The following LRRTM4 variants were observed in gnomAD, a reference collection of about 807,000 sequenced individuals.
LRRTM4 encodes leucine rich repeat transmembrane neuronal 4.
In LRRTM4, 25 loss-of-function variants were observed where a neutral mutation model predicts 47.6. The ratio of observed to expected loss-of-function variants is 0.53; its 90% CI spans 0.38 to 0.73. The LOEUF (loss-of-function observed/expected upper bound fraction) is 0.73, where lower values mean the gene tolerates loss of function less well. LRRTM4 is among the 30% of genes least tolerant of loss of function. LRRTM4 has a pLI of 0.00. For synonymous variants in LRRTM4, 311 were observed against 269.5 expected (o/e 1.15, Z -1.51); for missense variants, 638 against 713.4 (o/e 0.89, Z 1.20).
intron 3 of LRRTM4, among the ~76,000 whole-genome samples, chr2:76,905,535 G>A (rs1289527759): frequency 6.6e-6 from 1 of 152,116 alleles, no homozygotes; most frequent in Non-Finnish European, 1.5e-5. Flanking sequence ...GAAGGCTTCA[G>A]ACGATCAAAC....
At position 77,519,686 on chromosome 2, in the gene LRRTM4, T is replaced by C; in HGVS notation, c.183A>G (p.Gly61=). Residue 61 remains glycine (G), a synonymous_variant, in exon 3 of 4, where the codon GGA becomes GGG. Coordinates refer to ENST00000409884, the MANE Select transcript of LRRTM4 (RefSeq NM_001134745.3). This position sits in a 1 kb window ranked among gnomAD's most constrained non-coding sequence, Gnocchi z 4.6. The stretch of plus-strand genomic sequence containing the variant: ...ACCTTAATGATAAGCCTTGTGACCC[T>C]CCAGAAATGTTCTCAGGGATATCTG... The part of the protein sequence containing the change: ...AFADIPENIS[G]GSQGLSLRFN... 6.2e-7 allele frequency: 1 copy of C among 1,613,370 alleles called. No individual in the cohort carries two copies. Among genetic ancestry groups the C allele is most frequent in the Non-Finnish European group, 8.5e-7 (1 of 1,179,568 alleles).
intron 3 of LRRTM4, among the ~76,000 whole-genome samples, chr2:77,090,085 C>T (rs1253895334): frequency 6.6e-6 from 1 of 152,094 alleles, no homozygotes; most frequent in African/African-American, 2.4e-5. Context: ...AGCTAGGTCC[C>T]AATTCTTCCT....
intron 3 of LRRTM4, among the ~76,000 whole-genome samples, chr2:76,763,647 TCCAAG>T (rs1673345018): frequency 6.6e-6 from 1 of 152,162 alleles, no homozygotes. Flanking sequence ...GGAGTGCTGC[TCCAAG>T]AAATAGCTAA....
At chr2:77,253,538 TA>T (rs1274587608) in intron 3 of LRRTM4, among the ~76,000 whole-genome samples, 1 of 152,084 alleles carries the variant, frequency 6.6e-6, no homozygotes, top group African/African-American at 2.4e-5. Flanking sequence ...ATTTAATTTT[TA>T]AAAAATACCT....
At position 76,771,615 on chromosome 2, in the gene LRRTM4, T is replaced by C. The variant is rs144912903; in HGVS notation, c.1552-22699A>G. Among the ~76,000 whole-genome samples the C allele has an allele frequency of 8.7e-3, 1,283 of 147,900 alleles. 7 individuals are homozygous for C. The highest frequency in any genetic ancestry group is 0.021 in the Middle Eastern group (6 of 288). ...GAAGCAGCAAGAAGACTGCGTGCTG[T>C]ACCTCAAATTCTTGCCAGGTGAACA... On this transcript the variant is annotated intron_variant, in intron 3 of 3. Transcript: ENST00000409884.
At chr2:77,351,088 TA>T (rs1287360101) in intron 3 of LRRTM4, among the ~76,000 whole-genome samples, 1 of 152,150 alleles carries the variant, frequency 6.6e-6, no homozygotes, top group Non-Finnish European at 1.5e-5. Context: ...TATGCTCATG[TA>T]GGCTCCAGTG....
At chr2:77,343,838 C>T (rs1459953928) in intron 3 of LRRTM4, among the ~76,000 whole-genome samples, 1 of 151,744 alleles carries the variant, frequency 6.6e-6, no homozygotes, top group Non-Finnish European at 1.5e-5. Context: ...TCAGGGACAG[C>T]TTCTCTGAAG....
At chr2:77,081,402 CATT>C (rs1338869156) in intron 3 of LRRTM4, among the ~76,000 whole-genome samples, 1 of 151,718 alleles carries the variant, frequency 6.6e-6, no homozygotes, top group Non-Finnish European at 1.5e-5. Context: ...AAGGTGTTCA[CATT>C]ATACAAATCA....
At chr2:77,488,462 C>A (rs1008942625) in intron 3 of LRRTM4, among the ~76,000 whole-genome samples, 1 of 152,132 alleles carries the variant, frequency 6.6e-6, no homozygotes, top group East Asian at 1.9e-4. Flanking sequence ...CTGTGGCCTG[C>A]CAGGACGAAT....
At chr2:77,181,060 T>C (rs927516433) in intron 3 of LRRTM4, among the ~76,000 whole-genome samples, 11 of 152,162 alleles carry the variant, frequency 7.2e-5, no homozygotes, top group Non-Finnish European at 1.0e-4. Context: ...TACTTACAAA[T>C]GACTTTACCA....
chr2:76,762,684 G>T (rs909984879), intron 3 of LRRTM4, among the ~76,000 whole-genome samples: 7 of 152,164 alleles, frequency 4.6e-5, no homozygotes, highest in African/African-American at 1.7e-4. Context: ...AGTAGGACAG[G>T]TGTGGTGACT....
chr2:76,826,353 ATATCAGCTGTGTAATCTTAAATAG>A (rs1558679033), intron 3 of LRRTM4, among the ~76,000 whole-genome samples: 3 of 151,600 alleles, frequency 2.0e-5, no homozygotes, highest in Non-Finnish European at 4.4e-5. Flanking sequence ...GCATCATGGC[ATATCAGCTGTGTAATCTTAAATAG>A]GTTATATAAA....
chr2:77,408,788 C>T (rs963945867), intron 3 of LRRTM4, among the ~76,000 whole-genome samples: 1 of 152,150 alleles, frequency 6.6e-6, no homozygotes, highest in Admixed American at 6.5e-5. Context: ...AGAAATTATG[C>T]CTGTATTCAA....
chr2:77,010,727 T>TA (rs374350369), intron 3 of LRRTM4, among the ~76,000 whole-genome samples: 2 of 152,042 alleles, frequency 1.3e-5, no homozygotes, highest in East Asian at 1.9e-4. Flanking sequence ...GCCCAGGATG[T>TA]AAAAAAAGTG....
At chr2:76,819,658 T>C (rs1235347800) in intron 3 of LRRTM4, among the ~76,000 whole-genome samples, 1 of 151,904 alleles carries the variant, frequency 6.6e-6, no homozygotes, top group Non-Finnish European at 1.5e-5. Context: ...GCTTACTTTC[T>C]CCACTCTTCT....
At chr2:77,319,319 G>C (rs775911372) in intron 3 of LRRTM4, among the ~76,000 whole-genome samples, 1 of 151,968 alleles carries the variant, frequency 6.6e-6, no homozygotes, top group African/African-American at 2.4e-5. Context: ...CCCTGGAGGC[G>C]GAGGTTGCAG....
chr2:77,429,560 T>C (rs1675274014), intron 3 of LRRTM4, among the ~76,000 whole-genome samples: 1 of 152,036 alleles, frequency 6.6e-6, no homozygotes, highest in South Asian at 2.1e-4. Context: ...ACGACATAGA[T>C]CAAACTGGAG....
intron 3 of LRRTM4, among the ~76,000 whole-genome samples, chr2:76,861,321 T>A (rs1470973111): frequency 6.6e-6 from 1 of 152,196 alleles, no homozygotes; most frequent in East Asian, 1.9e-4. Flanking sequence ...TGCATTATTT[T>A]TAGTTTTTTT....
Position 76,853,804 on chromosome 2 carries a change from G to T in LRRTM4, c.1552-104888C>A, listed in dbSNP as rs935419405. On this transcript the variant is annotated intron_variant, in intron 3 of 3. Transcript: ENST00000409884. ...AACACATACAGAATTGTGTTTTTCT[G>T]TAAGAACAAATGCATTTCTCATACT... 1.3e-5 allele frequency among the ~76,000 whole-genome samples: 2 copies of T among 152,120 alleles called. 1 individual carries two copies. Among genetic ancestry groups the T allele is most frequent in the East Asian group, 3.8e-4 (2 of 5,200 alleles).
Sources: gnomAD v4.1 joint callset for allele counts (sites outside exome capture counted in the v4.1 genomes callset) on GRCh38, gnomAD v4.1.1 for gene constraint, Gnocchi (gnomAD v3.1) non-coding constraint, MANE v1.5 for transcripts, NCBI Gene and HGNC (gene_info 2026-07-23, HGNC 2026-07-21) for gene names.